The following MAPKAP1 variants were observed in gnomAD, a reference collection of about 807,000 sequenced individuals.
MAPKAP1 encodes the protein target of rapamycin complex 2 subunit MAPKAP1.
Under a neutral mutation model 65.7 loss-of-function variants are expected in MAPKAP1, and 20 were observed. The observed-to-expected ratio is 0.30, with a 90% CI of 0.21 to 0.44. MAPKAP1 has a LOEUF of 0.44. Among genes scored for constraint, MAPKAP1 ranks in the 20% least tolerant of loss-of-function variants. The probability of loss-of-function intolerance (pLI) is 1.00; values close to 1 mark genes in which losing one functional copy is unlikely to be tolerated. For synonymous variants in MAPKAP1, 222 were observed against 244.3 expected (o/e 0.91, Z 0.85); for missense variants, 423 against 648.0 (o/e 0.65, Z 3.77).
intron 7 of MAPKAP1, among the ~76,000 whole-genome samples, chr9:125,532,767 G>GATT (rs2133143828): frequency 6.6e-6 from 1 of 152,212 alleles, no homozygotes; most frequent in South Asian, 2.1e-4. Context: ...AAAATAAACC[G>GATT]GTTAAGGGGT....
intron 3 of MAPKAP1, among the ~76,000 whole-genome samples, chr9:125,669,614 G>C (rs1834440167): frequency 6.6e-6 from 1 of 152,100 alleles, no homozygotes; most frequent in Non-Finnish European, 1.5e-5. Context: ...CTGTGACCCA[G>C]AGTGAAGGGT....
intron 4 of MAPKAP1, among the ~76,000 whole-genome samples, chr9:125,607,639 T>G (rs947158045): frequency 7.9e-6 from 1 of 126,928 alleles, no homozygotes; most frequent in Non-Finnish European, 1.8e-5. Flanking sequence ...TCGCTTACTT[T>G]GCTTTTATTT....
intron 7 of MAPKAP1, among the ~76,000 whole-genome samples, chr9:125,524,170 A>T (rs756475245): frequency 6.6e-6 from 1 of 152,240 alleles, no homozygotes; most frequent in South Asian, 2.1e-4. Flanking sequence ...GTCCAGCTTT[A>T]TAACAGCCAT....
intron 4 of MAPKAP1, among the ~76,000 whole-genome samples, chr9:125,644,781 A>C (rs1169199905): frequency 1.3e-4 from 20 of 152,220 alleles, no homozygotes; most frequent in Non-Finnish European, 1.5e-5. Flanking sequence ...ACTGACAAAA[A>C]TTATTCATGG....
At chr9:125,474,892 G>A (rs747261922) in intron 9 of MAPKAP1, among the ~76,000 whole-genome samples, 3 of 152,088 alleles carry the variant, frequency 2.0e-5, no homozygotes, top group African/African-American at 4.8e-5. Flanking sequence ...CTTGTCTTCA[G>A]GTTACCGAGA....
At chr9:125,502,390 C>T (rs1829010668) in intron 8 of MAPKAP1, among the ~76,000 whole-genome samples, 2 of 152,064 alleles carry the variant, frequency 1.3e-5, no homozygotes, top group South Asian at 2.1e-4. Context: ...CGTGAGCCAC[C>T]GTGCCCTGCT....
At chr9:125,596,255 T>C (rs559875493) in intron 4 of MAPKAP1, 17 of 763,358 alleles carry the variant, frequency 2.2e-5, no homozygotes, top group African/African-American at 8.5e-5. Context: ...GAGGTCGAAG[T>C]GGTTCTGGAA....
chr9:125,680,107 C>A (rs1287548134), intron 1 of MAPKAP1, among the ~76,000 whole-genome samples: 2 of 148,260 alleles, frequency 1.3e-5, no homozygotes, highest in African/African-American at 2.5e-5. Flanking sequence ...TTTTTTTTAA[C>A]CTTTCCACAC....
At chr9:125,676,598 G>A (rs960500849) in intron 1 of MAPKAP1, among the ~76,000 whole-genome samples, 1 of 152,204 alleles carries the variant, frequency 6.6e-6, no homozygotes, top group Non-Finnish European at 1.5e-5. Context: ...AACAGCAGTT[G>A]CTAGGAGCTG....
chr9:125,681,898 T>G (rs1359153486), intron 1 of MAPKAP1, among the ~76,000 whole-genome samples: 1 of 152,160 alleles, frequency 6.6e-6, no homozygotes, highest in Non-Finnish European at 1.5e-5. Context: ...AGCCTGGGAC[T>G]GCAGGCAAGC....
At chr9:125,478,557 T>C (rs1283355978) in intron 9 of MAPKAP1, among the ~76,000 whole-genome samples, 2 of 152,194 alleles carry the variant, frequency 1.3e-5, no homozygotes. Context: ...CTTGAATTCC[T>C]GGCTTCTAGC....
At chr9:125,652,203 C>T (rs1430926051) in intron 4 of MAPKAP1, 2 of 1,312,352 alleles carry the variant, frequency 1.5e-6, no homozygotes, top group East Asian at 4.7e-5. Flanking sequence ...CTATTTAATG[C>T]CAATGATTGT....
chr9:125,513,807 C>A (rs117478124), intron 7 of MAPKAP1, among the ~76,000 whole-genome samples: 32 of 152,228 alleles, frequency 2.1e-4, no homozygotes, highest in Admixed American at 1.7e-3. Flanking sequence ...GGCATCAAAG[C>A]GAAAGTCTGT....
At chr9:125,604,604 T>A (rs375740365) in intron 4 of MAPKAP1, among the ~76,000 whole-genome samples, 1 of 152,360 alleles carries the variant, frequency 6.6e-6, no homozygotes, top group South Asian at 2.1e-4. Context: ...AAACATTTCA[T>A]TACATAGTTA....
chr9:125,521,902 C>T (rs1829628942), intron 7 of MAPKAP1: 1 of 757,558 alleles, frequency 1.3e-6, no homozygotes, highest in Non-Finnish European at 2.2e-6. Flanking sequence ...TCAGCAGACT[C>T]TGTTATGATA....
chr9:125,639,588 AG>A (rs975529522), intron 4 of MAPKAP1, among the ~76,000 whole-genome samples: 2 of 152,184 alleles, frequency 1.3e-5, no homozygotes, highest in Non-Finnish European at 2.9e-5. Flanking sequence ...CTATGTACAC[AG>A]GGAAGTGGGG....
chr9:125,662,615 G>A (rs959821728), intron 3 of MAPKAP1, among the ~76,000 whole-genome samples: 4 of 152,028 alleles, frequency 2.6e-5, no homozygotes, highest in Non-Finnish European at 4.4e-5. Flanking sequence ...CCCAGGAGGC[G>A]GAGCTTGCAG....
intron 3 of MAPKAP1, among the ~76,000 whole-genome samples, chr9:125,660,413 C>T (rs576240696): frequency 5.9e-5 from 9 of 151,842 alleles, no homozygotes; most frequent in Non-Finnish European, 8.8e-5. Flanking sequence ...TACATTTCAC[C>T]GAATGTAAAG....
chr9:125,477,743 C>T (rs1485035357), intron 9 of MAPKAP1, among the ~76,000 whole-genome samples: 1 of 152,180 alleles, frequency 6.6e-6, no homozygotes, highest in African/African-American at 2.4e-5. Context: ...CTCCGCTTGA[C>T]CCGTTCTGTT....
Sources: allele counts gnomAD v4.1 joint callset (sites outside exome capture counted in the v4.1 genomes callset), GRCh38; gene constraint gnomAD v4.1.1; transcripts MANE v1.5; gene names NCBI Gene and HGNC (gene_info 2026-07-23, HGNC 2026-07-21).